The following CCDC81 variants were observed in gnomAD, a reference collection of about 807,000 sequenced individuals.
CCDC81 encodes coiled-coil domain-containing protein 81.
Under a neutral mutation model 83.7 loss-of-function variants are expected in CCDC81, and 79 were observed. The observed-to-expected ratio is 0.94, with a 90% confidence interval of 0.79 to 1.14. CCDC81 has a LOEUF of 1.14. Among genes scored for constraint, CCDC81 ranks in the 50% most tolerant of loss-of-function variants. The pLI is 0.00. For missense variants in CCDC81, 791 were observed against 778.1 expected (o/e 1.02, Z -0.20); for synonymous variants, 252 against 278.1 (o/e 0.91, Z 0.93).
intron 1 of CCDC81, among the ~76,000 whole-genome samples, chr11:86,383,718 T>A (rs964007529): frequency 6.6e-5 from 10 of 152,226 alleles, no homozygotes; most frequent in Admixed American, 2.0e-4. Context: ...TTTAATGATA[T>A]CCTCTCTGAC....
At chr11:86,418,143 G>C (rs1188223205) in intron 13 of CCDC81, among the ~76,000 whole-genome samples, 1 of 152,064 alleles carries the variant, frequency 6.6e-6, no homozygotes, top group Admixed American at 6.5e-5. Flanking sequence ...AAATTATTAT[G>C]AAAGTGCAAA....
chr11:86,382,265 A>T (rs74810288), intron 1 of CCDC81, among the ~76,000 whole-genome samples: 6,198 of 152,252 alleles, frequency 0.041, 213 homozygotes, highest in African/African-American at 0.089. Context: ...GAATACCTAT[A>T]GCAATAGTCT....
intron 7 of CCDC81, among the ~76,000 whole-genome samples, chr11:86,406,120 T>A (rs1463381362): frequency 1.3e-5 from 2 of 152,224 alleles, no homozygotes; most frequent in Non-Finnish European, 2.9e-5. Flanking sequence ...CTAAAGTATA[T>A]CCTGTAATGG....
In CCDC81 at chr11:86,386,075, T is replaced by C. The variant is rs1452736134; in HGVS notation, c.104T>C (p.Val35Ala). ...QEEVSIIWGN[V>A]SEFVRRQLTL... Reference sequence around the variant, plus strand: ...GAAGTCTCTATTATCTGGGGGAATGTATCAGAATTTGTGAGACGGCAGTTA... The same window carrying C: ...GAAGTCTCTATTATCTGGGGGAATGCATCAGAATTTGTGAGACGGCAGTTA... Residue 35 changes from valine (V) to alanine (A), a missense_variant, in exon 2 of 15, where the codon GTA becomes GCA. By Grantham distance (64) the Val-to-Ala change is moderately conservative (BLOSUM62 0). Transcript: ENST00000445632. 2.0e-6 allele frequency: 3 copies of C among 1,523,098 alleles called. No individual in the cohort carries two copies. The highest frequency in any genetic ancestry group is 2.7e-6 in the Non-Finnish European group (3 of 1,123,100). 94.3% of individuals were successfully genotyped at this position (1,523,098 alleles called of 1,614,324 possible).
intron 7 of CCDC81, among the ~76,000 whole-genome samples, chr11:86,405,185 C>A (rs954482628): frequency 1.1e-4 from 16 of 152,052 alleles, no homozygotes; most frequent in African/African-American, 3.9e-4. Flanking sequence ...GCTTCTTAAG[C>A]AATATTAAAT....
At chr11:86,411,194 T>A (rs1169650514) in intron 10 of CCDC81, among the ~76,000 whole-genome samples, 2 of 152,228 alleles carry the variant, frequency 1.3e-5, no homozygotes. Flanking sequence ...TCACTATGCC[T>A]TCTCCTTTCC....
At position 86,415,012 on chromosome 11, in the gene CCDC81, AT is replaced by A. The variant is rs1294394286; in HGVS notation, c.1471-77del. The A allele has an allele frequency of 1.4e-5, 21 of 1,503,014 alleles. No individual in the cohort carries two copies. In the South Asian group the frequency reaches 2.3e-4, roughly 16 times the overall value. 93.1% of individuals were successfully genotyped at this position (1,503,014 alleles called of 1,614,324 possible). A position where few individuals can be genotyped will look rare whatever the true frequency, so the allele number is the denominator to read the frequency against. ...GCATTCCTTCCTGTAAGATGCTGGT[AT>A]TTTACCACATTACAGGGTTGTGCAT... On this transcript the variant is annotated intron_variant, in intron 12 of 14. Transcript: ENST00000445632.
Position 86,412,408 on chromosome 11 carries a change from C to T in CCDC81, c.1240C>T (p.Arg414Trp), listed in dbSNP as rs774621880. ...EFYKSFLFDK[R>W]PLSPALNALK... ...CTAGAAATCCTTCCTATTTGACAAA[C>T]GGCCACTCAGTCCTGCGCTTAATGC... The change falls in exon 11 of 15, where the codon CGG becomes TGG. Residue 414 changes from arginine to tryptophan, a missense_variant. Transcript: ENST00000445632. 1.2e-5 allele frequency: 19 copies of T among 1,594,462 alleles called. No homozygotes were observed. The highest frequency in any genetic ancestry group is 6.9e-5 in the South Asian group (6 of 87,026).
At position 86,375,251 on chromosome 11, in the gene CCDC81, G is replaced by C; in HGVS notation, c.79+9G>C. 1.2e-6 allele frequency: 2 copies of C among 1,606,936 alleles called. No homozygotes were observed. The highest frequency in any genetic ancestry group is 1.7e-6 in the Non-Finnish European group (2 of 1,179,070). On this transcript the variant is annotated intron_variant, in intron 1 of 14. Transcript: ENST00000445632. The stretch of plus-strand genomic sequence containing the variant: ...CTCGCTGAGCCAGGAGGGTAAGCGT[G>C]TTGGGTAGCAGGGGGTGGCCCTGGG...
chr11:86,418,843 A>C (rs1374621879), intron 13 of CCDC81, among the ~76,000 whole-genome samples: 1 of 152,220 alleles, frequency 6.6e-6, no homozygotes, highest in African/African-American at 2.4e-5. Context: ...GAAATGGTTA[A>C]GATAGTAAAT....
chr11:86,418,737 G>GCCAAGGGC (rs1948752429), intron 13 of CCDC81, among the ~76,000 whole-genome samples: 1 of 152,198 alleles, frequency 6.6e-6, no homozygotes, highest in African/African-American at 2.4e-5. Flanking sequence ...ATGGGGAGTT[G>GCCAAGGGC]TTTAATGGGT....
intron 7 of CCDC81, among the ~76,000 whole-genome samples, chr11:86,407,105 T>A (rs1948575726): frequency 1.3e-5 from 2 of 152,230 alleles, no homozygotes; most frequent in African/African-American, 4.8e-5. Context: ...GGCCATTCTC[T>A]TTACAGTTTA....
rs1005287874 is a variant in CCDC81, at chr11:86,375,447, C to T, written c.79+205C>T. Among the ~76,000 whole-genome samples the T allele has an allele frequency of 3.9e-5, 6 of 152,052 alleles. 1 individual carries two copies. Among genetic ancestry groups the T allele is most frequent in the African/African-American group, 1.4e-4 (6 of 41,394 alleles). Reference sequence around the variant, plus strand: ...CTGGTTTTGATTAAACCAGGGGATGCGTAGACAGCACAAAGTAAGTGCTCA... The same window carrying T: ...CTGGTTTTGATTAAACCAGGGGATGTGTAGACAGCACAAAGTAAGTGCTCA... On this transcript the variant is annotated intron_variant, in intron 1 of 14. Transcript: ENST00000445632.
At chr11:86,383,224 G>A (rs1227747905) in intron 1 of CCDC81, among the ~76,000 whole-genome samples, 6 of 152,190 alleles carry the variant, frequency 3.9e-5, no homozygotes, top group African/African-American at 7.2e-5. Context: ...GGTCTTCCAC[G>A]TAGCACACTG....
chr11:86,385,316 C>T (rs1379638040), intron 1 of CCDC81, among the ~76,000 whole-genome samples: 5 of 151,796 alleles, frequency 3.3e-5, no homozygotes, highest in African/African-American at 9.7e-5. Flanking sequence ...ACCCGGGAGG[C>T]GGAGGTTGCA....
At chr11:86,397,495 C>T in intron 5 of CCDC81, 126 bp from the exon 6 acceptor site, 4 of 1,114,210 alleles carry the variant, frequency 3.6e-6, no homozygotes, top group Non-Finnish European at 5.1e-6. Flanking sequence ...AGAGCACTCA[C>T]CCCTTGAAGA....
In CCDC81 at chr11:86,412,499, T is replaced by C. The variant is rs762028031; in HGVS notation, c.1331T>C (p.Ile444Thr). 4.3e-6 allele frequency: 7 copies of C among 1,613,906 alleles called. No individual in the cohort carries two copies. The East Asian group carries it at 1.6e-4, about 36-fold the overall frequency. ...KQMDNRQENE[I>T]KQRQYRELMD... ...ATGGATAACAGACAGGAAAACGAAA[T>C]AAAGCAAAGACAATACAGAGAGTTG... is the stretch of plus-strand genomic sequence containing the variant. The change falls in exon 11 of 15, where the codon ATA becomes ACA. Residue 444 changes from isoleucine (I) to threonine (T), a missense_variant. Ile to Thr is a moderately conservative substitution (Grantham distance 89). Coordinates refer to ENST00000445632, the MANE Select transcript of CCDC81 (RefSeq NM_001156474.2).
chr11:86,416,219 T>C (rs1246800065), intron 13 of CCDC81, among the ~76,000 whole-genome samples: 1 of 152,218 alleles, frequency 6.6e-6, no homozygotes, highest in Admixed American at 6.5e-5. Flanking sequence ...CTTTATCTGA[T>C]ATATTTGTAA....
At chr11:86,390,436 G>T (rs1183453179) in intron 3 of CCDC81, among the ~76,000 whole-genome samples, 2 of 152,170 alleles carry the variant, frequency 1.3e-5, no homozygotes, top group Non-Finnish European at 2.9e-5. Flanking sequence ...ATTGTGAGGG[G>T]CCTTATATGG....
Sources: allele counts gnomAD v4.1 joint callset (sites outside exome capture counted in the v4.1 genomes callset), GRCh38; gene constraint gnomAD v4.1.1; transcripts MANE v1.5; gene names NCBI Gene and HGNC (gene_info 2026-07-23, HGNC 2026-07-21).